The following DSCAM variants were observed in gnomAD, a reference collection of about 807,000 sequenced individuals.
DSCAM encodes cell adhesion molecule DSCAM.
DSCAM carries 47 observed loss-of-function variants against 217.7 expected under a neutral mutation model. The ratio of observed to expected loss-of-function variants is 0.22; its 90% CI spans 0.17 to 0.28. The LOEUF (loss-of-function observed/expected upper bound fraction) is 0.28, where lower values mean the gene tolerates loss of function less well. DSCAM is among the 10% of genes least tolerant of loss of function. The pLI is 1.00. For synonymous variants in DSCAM, 1,056 were observed against 1,015.3 expected (o/e 1.04, Z -0.76); for missense variants, 2,080 against 2,618.3 (o/e 0.79, Z 4.49).
chr21:40,846,571 C>A, intron 1 of DSCAM, 48 bp downstream of exon 1: 2 of 294,398 alleles, frequency 6.8e-6, no homozygotes, highest in Non-Finnish European at 1.2e-5. Flanking sequence ...CCCCGCCCCC[C>A]CGGTCAATGA....
intron 11 of DSCAM, among the ~76,000 whole-genome samples, chr21:40,196,141 C>T (rs921178424): frequency 2.6e-5 from 4 of 152,156 alleles, no homozygotes; most frequent in African/African-American, 4.8e-5. Context: ...AAGGAACTGC[C>T]GCACCCTGGC....
At chr21:40,774,259 C>T (rs2091469954) in intron 1 of DSCAM, among the ~76,000 whole-genome samples, 1 of 152,182 alleles carries the variant, frequency 6.6e-6, no homozygotes, top group Non-Finnish European at 1.5e-5. Flanking sequence ...AGGGGAAGAA[C>T]AAGCATAATT....
intron 3 of DSCAM, among the ~76,000 whole-genome samples, chr21:40,610,524 T>C (rs528934647): frequency 6.6e-6 from 1 of 152,204 alleles, no homozygotes; most frequent in Non-Finnish European, 1.5e-5. Context: ...TACGACTTTA[T>C]GTGTGGGGCT....
At chr21:40,364,653 G>A (rs2074809292) in intron 4 of DSCAM, among the ~76,000 whole-genome samples, 2 of 149,180 alleles carry the variant, frequency 1.3e-5, no homozygotes. Flanking sequence ...CGTTATGCAC[G>A]TGTACCCTAA....
intron 29 of DSCAM, among the ~76,000 whole-genome samples, chr21:40,054,476 G>T (rs1023133962): frequency 2.0e-5 from 3 of 152,224 alleles, no homozygotes; most frequent in Non-Finnish European, 4.4e-5. Flanking sequence ...GATGGAGCAG[G>T]TGTTCTGCCC....
intron 1 of DSCAM, among the ~76,000 whole-genome samples, chr21:40,815,019 T>C (rs777505278): frequency 5.3e-5 from 8 of 152,200 alleles, no homozygotes; most frequent in Non-Finnish European, 4.4e-5. Context: ...TCAAATTTTC[T>C]AAGCATGATT....
intron 3 of DSCAM, among the ~76,000 whole-genome samples, chr21:40,534,375 T>C (rs1178829563): frequency 6.6e-6 from 1 of 152,230 alleles, no homozygotes; most frequent in African/African-American, 2.4e-5. Context: ...TTGTGACAGT[T>C]CAGAAGCAAG....
intron 3 of DSCAM, among the ~76,000 whole-genome samples, chr21:40,684,932 A>G (rs1392968032): frequency 6.6e-6 from 1 of 152,222 alleles, no homozygotes; most frequent in Non-Finnish European, 1.5e-5. Context: ...AGAACCAAAC[A>G]TCACGGGGAG....
intron 30 of DSCAM, 99 bp downstream of exon 30, chr21:40,051,859 G>A: frequency 6.9e-7 from 1 of 1,457,086 alleles, no homozygotes; most frequent in Non-Finnish European, 9.3e-7. Context: ...TCAGGCATAG[G>A]TATGAAAAGC....
At chr21:40,450,947 C>G (rs1221597641) in intron 3 of DSCAM, among the ~76,000 whole-genome samples, 1 of 152,190 alleles carries the variant, frequency 6.6e-6, no homozygotes, top group Non-Finnish European at 1.5e-5. Context: ...CCCTCCTGCT[C>G]AAGATATGTT....
chr21:40,740,884 C>A (rs975945602), intron 1 of DSCAM, among the ~76,000 whole-genome samples: 2 of 152,210 alleles, frequency 1.3e-5, no homozygotes, highest in African/African-American at 4.8e-5. Flanking sequence ...ATGCTAAGCT[C>A]AGAAGATCTC....
chr21:40,459,231 A>G (rs2075787095), intron 3 of DSCAM, among the ~76,000 whole-genome samples: 1 of 152,168 alleles, frequency 6.6e-6, no homozygotes, highest in South Asian at 2.1e-4. Flanking sequence ...ACTAAGCAAG[A>G]AAAGAAGAAC....
chr21:40,044,171 G>C lies in DSCAM; in HGVS notation c.5290C>G (p.Leu1764Val). 1 of 1,614,184 alleles carries C rather than the reference G, an allele frequency of 6.2e-7. No homozygotes were observed. The highest frequency in any genetic ancestry group is 8.5e-7 in the Non-Finnish European group (1 of 1,180,028). ...GTTGGCAGCCTCCAGTCTGTGGTGA[G>C]GGTGTGTGCTGAGATGGTGGGGTGG... Reference protein sequence around the residue: ...RPHPTISAHTLTTDWRLPTPR... With the variant: ...RPHPTISAHTVTTDWRLPTPR... Residue 1764 changes from leucine to valine, a missense_variant, in exon 31 of 33, where the codon CTC (leucine) becomes GTC (valine). This residue lies in a region of DSCAM where 1,144 missense variants were observed against 1,421.1 expected (regional missense o/e 0.81). Coordinates refer to ENST00000400454, the MANE Select transcript of DSCAM (RefSeq NM_001389.5).
chr21:40,446,685 C>A (rs897886760), intron 3 of DSCAM, among the ~76,000 whole-genome samples: 1 of 152,206 alleles, frequency 6.6e-6, no homozygotes, highest in South Asian at 2.1e-4. Flanking sequence ...TCACTCTCAG[C>A]AACTCAGGTT....
intron 3 of DSCAM, among the ~76,000 whole-genome samples, chr21:40,527,078 G>A (rs1197867503): frequency 6.6e-6 from 1 of 152,038 alleles, no homozygotes; most frequent in Non-Finnish European, 1.5e-5. Context: ...TCTCTTTAGG[G>A]CATTTGCTCT....
chr21:40,052,100 G>C lies in DSCAM; in HGVS notation c.5043C>G (p.Arg1681=), dbSNP rs2088942170. ...ERDTMETIDD[R]STVLLTDADF... is the part of the protein sequence containing the mutation. ...CAGCATCCGTCAACAGAACCGTGGA[G>C]CGATCATCTACAGGATGGCAGGAAC... Residue 1681 remains arginine, a synonymous_variant, in exon 30 of 33, where the codon CGC becomes CGG. Coordinates refer to ENST00000400454, the MANE Select transcript of DSCAM (RefSeq NM_001389.5). 1 of 1,613,764 alleles carries C rather than the reference G, an allele frequency of 6.2e-7. No individual in the cohort carries two copies. Among genetic ancestry groups the C allele is most frequent in the Admixed American group, 1.7e-5 (1 of 59,930 alleles).
chr21:40,663,521 G>C (rs1005133961), intron 3 of DSCAM, among the ~76,000 whole-genome samples: 4 of 152,154 alleles, frequency 2.6e-5, no homozygotes, highest in African/African-American at 9.7e-5. Flanking sequence ...AAGAGCACTT[G>C]GGTTTTCCTT....
intron 30 of DSCAM, among the ~76,000 whole-genome samples, chr21:40,045,407 A>G (rs2088827410): frequency 6.6e-6 from 1 of 152,238 alleles, no homozygotes; most frequent in African/African-American, 2.4e-5. Flanking sequence ...CAAAGGGTTA[A>G]GCTGGTGCCA....
intron 1 of DSCAM, among the ~76,000 whole-genome samples, chr21:40,831,311 AC>A (rs2092010414): frequency 6.6e-6 from 1 of 152,168 alleles, no homozygotes; most frequent in Non-Finnish European, 1.5e-5. Context: ...AGGTATGCAC[AC>A]ACACACAGGC....
Sources: gnomAD v4.1 joint callset for allele counts (sites outside exome capture counted in the v4.1 genomes callset) on GRCh38, gnomAD v4.1.1 for gene constraint, gnomAD v4.1.1 regional missense constraint, MANE v1.5 for transcripts, NCBI Gene and HGNC (gene_info 2026-07-23, HGNC 2026-07-21) for gene names.